The following VCAN variants were observed in gnomAD, a reference collection of about 807,000 sequenced individuals.
The protein encoded by VCAN is versican core protein.
VCAN carries 44 observed loss-of-function variants against 245.5 expected under a neutral mutation model. The observed-to-expected ratio is 0.18, with a 90% CI of 0.14 to 0.23. VCAN has a LOEUF of 0.23. VCAN is among the 10% of genes least tolerant of loss of function. The pLI is 1.00. For missense variants in VCAN, 3,793 were observed against 4,057.9 expected, an observed-to-expected ratio of 0.93 and a Z score of 1.77; for synonymous variants, 1,413 against 1,437.0, an observed-to-expected ratio of 0.98 and a Z score of 0.38.
chr5:83,492,813 A>G (rs558528012), intron 3 of VCAN, among the ~76,000 whole-genome samples: 1 of 152,340 alleles, frequency 6.6e-6, no homozygotes, highest in African/African-American at 2.4e-5. Context: ...AATATGATAA[A>G]CATTTGAATG....
intron 6 of VCAN, among the ~76,000 whole-genome samples, chr5:83,515,876 A>G (rs1289473929): frequency 6.6e-6 from 1 of 152,144 alleles, no homozygotes; most frequent in African/African-American, 2.4e-5. Flanking sequence ...GTATATTACA[A>G]ATGTTTCCTG....
At chr5:83,481,326 G>A (rs1744608593) in intron 1 of VCAN, among the ~76,000 whole-genome samples, 1 of 151,192 alleles carries the variant, frequency 6.6e-6, no homozygotes. Context: ...CACCTCCCGG[G>A]TTCATGCCAT....
At chr5:83,563,609 A>C (rs1232165721) in intron 12 of VCAN, among the ~76,000 whole-genome samples, 4 of 152,078 alleles carry the variant, frequency 2.6e-5, no homozygotes, top group African/African-American at 9.7e-5. Flanking sequence ...CCTCTTGGGA[A>C]AGTGTTTTCT....
chr5:83,492,577 C>G (rs1358961169), intron 3 of VCAN, among the ~76,000 whole-genome samples: 2 of 152,172 alleles, frequency 1.3e-5, no homozygotes, highest in African/African-American at 4.8e-5. Flanking sequence ...GCTCCACCCC[C>G]TTGCTTGCTC....
chr5:83,493,416 A>G (rs1745045958), intron 3 of VCAN, 130 bp from the exon 4 acceptor site: 11 of 1,241,212 alleles, frequency 8.9e-6, no homozygotes, highest in Non-Finnish European at 1.2e-5. Flanking sequence ...GCATGAAGTA[A>G]AAGTAAATAA....
At chr5:83,507,514 G>T (rs1288642387) in intron 5 of VCAN, among the ~76,000 whole-genome samples, 1 of 152,242 alleles carries the variant, frequency 6.6e-6, no homozygotes, top group East Asian at 1.9e-4. Context: ...AGCTTACACA[G>T]TTGGGCCAAT....
intron 7 of VCAN, chr5:83,534,202 G>C (rs1746623043): frequency 6.6e-6 from 1 of 151,794 alleles, no homozygotes; most frequent in Non-Finnish European, 1.5e-5. Context: ...AAGATCATGA[G>C]ATATGTTTGT....
intron 9 of VCAN, among the ~76,000 whole-genome samples, chr5:83,546,831 A>G (rs1027987647): frequency 6.6e-6 from 1 of 152,186 alleles, no homozygotes; most frequent in Non-Finnish European, 1.5e-5. Flanking sequence ...TTATATGACT[A>G]AGAAATTTAA....
intron 12 of VCAN, among the ~76,000 whole-genome samples, chr5:83,565,559 G>T (rs1246700266): frequency 6.6e-6 from 1 of 152,096 alleles, no homozygotes; most frequent in East Asian, 1.9e-4. Context: ...GAGAGGAAAA[G>T]AAATAGAAAG....
chr5:83,541,985 A>G lies in VCAN; in HGVS notation c.8982A>G (p.Leu2994=), dbSNP rs1747018767. 6.2e-7 allele frequency: 1 copy of G among 1,613,450 alleles called. No individual in the cohort carries two copies. Among genetic ancestry groups the G allele is most frequent in the South Asian group, 1.1e-5 (1 of 91,016 alleles). The change falls in exon 8 of 15, where the codon CTA becomes CTG. Residue 2994 remains leucine (L), a synonymous_variant. Coordinates refer to ENST00000265077, the MANE Select transcript of VCAN (RefSeq NM_004385.5). ...YGVEAGVVPW[L]SPQTSERPTL... is the part of the protein sequence containing the mutation. Reference sequence around the variant, plus strand: ...TCGAGGCAGGTGTGGTGCCTTGGCTAAGTCCACAGACTTCTGAGAGGCCCA... The same window carrying G: ...TCGAGGCAGGTGTGGTGCCTTGGCTGAGTCCACAGACTTCTGAGAGGCCCA...
intron 1 of VCAN, among the ~76,000 whole-genome samples, chr5:83,474,561 C>G (rs945074679): frequency 5.9e-5 from 9 of 152,208 alleles, no homozygotes; most frequent in African/African-American, 2.2e-4. Context: ...ACGGGCGCTC[C>G]CCGCAGCGGC....
In VCAN at chr5:83,541,418, A is replaced by G. The variant is rs1033799049; in HGVS notation, c.8415A>G (p.Pro2805=). The G allele has an allele frequency of 3.1e-6, 5 of 1,614,048 alleles. No homozygotes were observed. Among genetic ancestry groups the G allele is most frequent in the East Asian group, 2.2e-5 (1 of 44,862 alleles). The change falls in exon 8 of 15, where the codon CCA becomes CCG. Residue 2805 remains proline (P), a synonymous_variant. Transcript: ENST00000265077. ...ATGTGATGGAAGGATCCAATCCCCCATATTACACTGATACAACATTAGCAG... is the reference window on the plus strand; with the variant it reads ...ATGTGATGGAAGGATCCAATCCCCCGTATTACACTGATACAACATTAGCAG... ...VPDVMEGSNP[P]YYTDTTLAVS...
intron 1 of VCAN, among the ~76,000 whole-genome samples, chr5:83,479,781 C>T (rs1744549933): frequency 1.3e-5 from 2 of 152,264 alleles, no homozygotes; most frequent in Middle Eastern, 3.4e-3. Flanking sequence ...GTGGAATGAA[C>T]GTCTTGGACT....
At chr5:83,504,066 G>A (rs995046918) in intron 5 of VCAN, among the ~76,000 whole-genome samples, 1 of 152,146 alleles carries the variant, frequency 6.6e-6, no homozygotes, top group Non-Finnish European at 1.5e-5. Flanking sequence ...AGGGAGTCTT[G>A]TAGCAGCTAG....
At chr5:83,578,019 T>C (rs1480259511) in intron 13 of VCAN, among the ~76,000 whole-genome samples, 3 of 152,210 alleles carry the variant, frequency 2.0e-5, no homozygotes, top group Admixed American at 6.5e-5. Flanking sequence ...CATTGAATTA[T>C]TGAATTGATC....
intron 8 of VCAN, among the ~76,000 whole-genome samples, chr5:83,543,832 G>C (rs1382510592): frequency 6.6e-6 from 1 of 152,182 alleles, no homozygotes; most frequent in African/African-American, 2.4e-5. Context: ...GCTTAATTCA[G>C]TAAACAGCAG....
rs1162506646 is a variant in VCAN at position 83,490,390 on chromosome 5, G to T, written c.363G>T (p.Leu121=). ...CCTCCCTCACTGTGGTCAAGCTGCT[G>T]GCAAGTGATGCGGGTCTTTACCGCT... ...GDASLTVVKL[L]ASDAGLYRCD... is the part of the protein sequence containing the mutation. The change falls in exon 3 of 15, where the codon CTG becomes CTT. Residue 121 remains leucine (L), a synonymous_variant. Coordinates refer to ENST00000265077, the MANE Select transcript of VCAN (RefSeq NM_004385.5). 5.6e-6 allele frequency: 9 copies of T among 1,614,082 alleles called. No homozygotes were observed. The highest frequency in any genetic ancestry group is 2.5e-6 in the Non-Finnish European group (3 of 1,180,046).
intron 3 of VCAN, among the ~76,000 whole-genome samples, chr5:83,492,328 G>T (rs1188481651): frequency 6.6e-6 from 1 of 152,112 alleles, no homozygotes; most frequent in Non-Finnish European, 1.5e-5. Context: ...TAAGAAGAGT[G>T]GCACGTATCT....
chr5:83,535,193 T>A (rs564593332), intron 7 of VCAN, among the ~76,000 whole-genome samples: 1 of 152,234 alleles, frequency 6.6e-6, no homozygotes, highest in African/African-American at 2.4e-5. Context: ...ATTTTCTCAT[T>A]TATTTGAATA....
Sources: allele counts gnomAD v4.1 joint callset (sites outside exome capture counted in the v4.1 genomes callset), GRCh38; gene constraint gnomAD v4.1.1; transcripts MANE v1.5; gene names NCBI Gene and HGNC (gene_info 2026-07-23, HGNC 2026-07-21).